SLC2A13: variants seen among roughly 807,000 people sequenced by gnomAD.
The protein encoded by SLC2A13 is proton myo-inositol cotransporter.
SLC2A13 carries 32 observed loss-of-function variants against 64.4 expected under a neutral mutation model. The ratio of observed to expected loss-of-function variants is 0.50; its 90% confidence interval spans 0.37 to 0.67. The LOEUF is 0.67. SLC2A13 is among the 30% of genes least tolerant of loss of function. SLC2A13 has a pLI of 0.00. For synonymous variants in SLC2A13, 338 were observed against 327.1 expected (o/e 1.03, Z -0.36); for missense variants, 743 against 829.2 (o/e 0.90, Z 1.28).
rs140853697 is a variant in SLC2A13, at chr12:39,857,374, C to T, written c.1319+7388G>A. On this transcript the variant is annotated intron_variant, in intron 6 of 9. Transcript: ENST00000280871. ...TGCTAAGTAGACCACAGTGAGGTTT[C>T]GGATCCTATATTCCTCTTGCCCTAA... 1.1e-4 allele frequency among the ~76,000 whole-genome samples: 16 copies of T among 152,286 alleles called. No homozygotes were observed. In the East Asian group the frequency reaches 1.3e-3, roughly 13 times the overall value.
At chr12:39,890,470 C>T (rs1296436892) in intron 4 of SLC2A13, among the ~76,000 whole-genome samples, 1 of 152,060 alleles carries the variant, frequency 6.6e-6, no homozygotes, top group Admixed American at 6.6e-5. Flanking sequence ...GACCTTGAGA[C>T]AGGGAGATTA....
intron 7 of SLC2A13, among the ~76,000 whole-genome samples, chr12:39,792,836 G>A (rs973124935): frequency 2.0e-5 from 3 of 150,388 alleles, no homozygotes; most frequent in Non-Finnish European, 2.9e-5. Context: ...AGTGGACCAC[G>A]CAGTTCAAAC....
At chr12:39,769,462 A>T (rs927630141) in intron 7 of SLC2A13, among the ~76,000 whole-genome samples, 1 of 152,130 alleles carries the variant, frequency 6.6e-6, no homozygotes, top group African/African-American at 2.4e-5. Context: ...TACTTTGAAC[A>T]TCAATTTTTC....
chr12:40,002,079 A>C (rs1248590893), intron 3 of SLC2A13, among the ~76,000 whole-genome samples: 5 of 152,250 alleles, frequency 3.3e-5, no homozygotes, highest in Non-Finnish European at 7.3e-5. Flanking sequence ...TAAGGAAAAC[A>C]AATGAATCAT....
chr12:39,988,592 GGAA>G (rs1036125850), intron 3 of SLC2A13, among the ~76,000 whole-genome samples: 10 of 146,078 alleles, frequency 6.8e-5, no homozygotes, highest in Middle Eastern at 7.2e-3. Flanking sequence ...GAAAAAAAGA[GGAA>G]GAAGAAGAAG....
At chr12:39,874,726 T>C (rs1252634696) in intron 4 of SLC2A13, among the ~76,000 whole-genome samples, 3 of 152,116 alleles carry the variant, frequency 2.0e-5, no homozygotes, top group African/African-American at 7.2e-5. Context: ...GTTTGGACTT[T>C]GTATTGTAGG....
intron 2 of SLC2A13, among the ~76,000 whole-genome samples, chr12:40,031,117 G>A (rs1947896051): frequency 6.6e-6 from 1 of 152,170 alleles, no homozygotes; most frequent in Non-Finnish European, 1.5e-5. Context: ...CAATACACAA[G>A]ATCAGAGCTT....
intron 5 of SLC2A13, among the ~76,000 whole-genome samples, chr12:39,869,316 G>A (rs1241931981): frequency 6.6e-6 from 1 of 152,128 alleles, no homozygotes; most frequent in African/African-American, 2.4e-5. Context: ...TCTTCTAGTA[G>A]GACCTATTTA....
At chr12:39,906,748 T>C (rs931565539) in intron 4 of SLC2A13, among the ~76,000 whole-genome samples, 1 of 152,050 alleles carries the variant, frequency 6.6e-6, no homozygotes, top group Non-Finnish European at 1.5e-5. Flanking sequence ...GAGAGCTACT[T>C]AAATGTGGGG....
chr12:39,910,331 A>G (rs1420086177), intron 4 of SLC2A13, among the ~76,000 whole-genome samples: 2 of 152,140 alleles, frequency 1.3e-5, no homozygotes, highest in Non-Finnish European at 2.9e-5. Flanking sequence ...CAGATGATAA[A>G]CTATGCATTG....
At chr12:39,993,685 C>T (rs1947176972) in intron 3 of SLC2A13, among the ~76,000 whole-genome samples, 2 of 152,112 alleles carry the variant, frequency 1.3e-5, no homozygotes, top group South Asian at 4.1e-4. Context: ...AATTGAGATA[C>T]AAGCAAGACT....
At chr12:39,860,942 C>T (rs1327020676) in intron 6 of SLC2A13, among the ~76,000 whole-genome samples, 1 of 152,154 alleles carries the variant, frequency 6.6e-6, no homozygotes, top group Non-Finnish European at 1.5e-5. Context: ...TAAAATTCTT[C>T]CATGGATTTA....
In SLC2A13 at chr12:40,027,780, C is replaced by G. The variant is rs28370786; in HGVS notation, c.925+521G>C. Among the ~76,000 whole-genome samples, 1,439 of 152,308 alleles carry G rather than the reference C, an allele frequency of 9.4e-3. 16 individuals are homozygous for G. The highest frequency in any genetic ancestry group is 0.032 in the African/African-American group (1,349 of 41,570). ...TGTCTACCTTTTCCTCGTTTACATCCTACAAATCACTTACCCAAATCAGAC... is the reference window on the plus strand; with the variant it reads ...TGTCTACCTTTTCCTCGTTTACATCGTACAAATCACTTACCCAAATCAGAC... On this transcript the variant is annotated intron_variant, in intron 3 of 9. Coordinates refer to ENST00000280871, the MANE Select transcript of SLC2A13 (RefSeq NM_052885.4).
At chr12:39,912,347 A>T (rs1307657954) in intron 4 of SLC2A13, among the ~76,000 whole-genome samples, 1 of 152,074 alleles carries the variant, frequency 6.6e-6, no homozygotes, top group Non-Finnish European at 1.5e-5. Flanking sequence ...TCAATTCTGG[A>T]CAAGAAGGAA....
intron 3 of SLC2A13, among the ~76,000 whole-genome samples, chr12:39,961,971 T>C (rs558959022): frequency 5.8e-4 from 89 of 152,294 alleles, no homozygotes; most frequent in Middle Eastern, 6.8e-3. Context: ...AAATATCACA[T>C]ATACCCCATA....
chr12:40,014,493 T>C (rs1253209418), intron 3 of SLC2A13, among the ~76,000 whole-genome samples: 1 of 152,196 alleles, frequency 6.6e-6, no homozygotes, highest in Non-Finnish European at 1.5e-5. Context: ...GATATTCATT[T>C]TTTTTTCTTT....
At chr12:40,080,453 C>T (rs142862869) in intron 1 of SLC2A13, among the ~76,000 whole-genome samples, 2,117 of 152,268 alleles carry the variant, frequency 0.014, 125 homozygotes, top group Admixed American at 0.094. Flanking sequence ...TGCAGTGGTG[C>T]CATCTCAGCT....
intron 3 of SLC2A13, among the ~76,000 whole-genome samples, chr12:40,020,074 T>G (rs781291142): frequency 3.3e-5 from 5 of 152,222 alleles, no homozygotes; most frequent in Non-Finnish European, 5.9e-5. Context: ...AGAAAATTAA[T>G]GGCATTTGAC....
At chr12:39,947,715 C>A (rs1946161239) in intron 4 of SLC2A13, among the ~76,000 whole-genome samples, 1 of 142,384 alleles carries the variant, frequency 7.0e-6, no homozygotes, top group East Asian at 2.1e-4. Flanking sequence ...GGCTGGAGTG[C>A]AATGGCATGA....
Sources: gnomAD v4.1 joint callset for allele counts (sites outside exome capture counted in the v4.1 genomes callset) on GRCh38, gnomAD v4.1.1 for gene constraint, MANE v1.5 for transcripts, NCBI Gene and HGNC (gene_info 2026-07-23, HGNC 2026-07-21) for gene names.